PPP1R1B: variants seen among roughly 807,000 people sequenced by gnomAD.
PPP1R1B encodes the protein protein phosphatase 1 regulatory subunit 1B.
In PPP1R1B, 13 loss-of-function variants were observed where a neutral mutation model predicts 28.2. The ratio of observed to expected loss-of-function variants is 0.46; its 90% CI spans 0.30 to 0.73. PPP1R1B has a LOEUF of 0.73. Among genes scored for constraint, PPP1R1B ranks in the 30% least tolerant of loss-of-function variants. The pLI, the probability that PPP1R1B is intolerant of heterozygous loss-of-function variation, is 0.07. For missense variants in PPP1R1B, 236 were observed against 256.7 expected (o/e 0.92, Z 0.55); for synonymous variants, 102 against 97.5 (o/e 1.05, Z -0.27).
At chr17:39,629,666 A>G in intron 3 of PPP1R1B, 104 bp downstream of exon 3, 1 of 1,185,116 alleles carries the variant, frequency 8.4e-7, no homozygotes, top group South Asian at 1.4e-5. Context: ...GCCACCCAAG[A>G]GGACACATTA....
chr17:39,628,211 C>G (rs1495099), intron 1 of PPP1R1B, among the ~76,000 whole-genome samples: 82,931 of 151,104 alleles, frequency 0.55, 26,097 homozygotes, highest in South Asian at 0.71. Context: ...TGAGATGCAG[C>G]TGGCTCCCCA....
chr17:39,631,853 T>C (rs1235443161), intron 4 of PPP1R1B, among the ~76,000 whole-genome samples: 1 of 152,102 alleles, frequency 6.6e-6, no homozygotes, highest in African/African-American at 2.4e-5. Context: ...AAAGCAGGCA[T>C]GAGGGACAGA....
At position 39,627,032 on chromosome 17, in the gene PPP1R1B, A is replaced by G. The variant is rs964210311; in HGVS notation, c.-361A>G. 1 of 250,284 alleles carries G rather than the reference A, an allele frequency of 4.0e-6. No individual in the cohort carries two copies. Among genetic ancestry groups the G allele is most frequent in the African/African-American group, 2.3e-5 (1 of 44,060 alleles). 15.5% of individuals were successfully genotyped at this position (250,284 alleles called of 1,614,324 possible). On this transcript the variant is annotated 5_prime_UTR_variant, in exon 1 of 7. Transcript: ENST00000254079. ...GACGGGAGAGGCAGAGAGAGGAGACACGCAGAGACACTCAGGAGGGGAGAG... is the reference window on the plus strand; with the variant it reads ...GACGGGAGAGGCAGAGAGAGGAGACGCGCAGAGACACTCAGGAGGGGAGAG...
intron 4 of PPP1R1B, chr17:39,630,472 TCTC>T (rs1453354871): frequency 1.0e-5 from 2 of 191,444 alleles, no homozygotes; most frequent in Non-Finnish European, 2.2e-5. Flanking sequence ...TGCACACTGG[TCTC>T]CTCTTTCCTG....
intron 4 of PPP1R1B, among the ~76,000 whole-genome samples, chr17:39,630,802 A>G (rs542178170): frequency 4.6e-5 from 7 of 151,838 alleles, no homozygotes; most frequent in African/African-American, 1.2e-4. Context: ...GGGCGCAGTG[A>G]CTCACGCCTG....
rs1032368917 is a variant in PPP1R1B at position 39,630,021 on chromosome 17, G to A, written c.215G>A (p.Cys72Tyr). Reference sequence around the variant, plus strand: ...CTCAAGTCGAAGAGACCCAACCCCTGTGCCTACACACCACCTTCGCTGAAA... The same window carrying A: ...CTCAAGTCGAAGAGACCCAACCCCTATGCCTACACACCACCTTCGCTGAAA... ...HHLKSKRPNP[C>Y]AYTPPSLKAV... The change falls in exon 4 of 7, where the codon TGT (cysteine) becomes TAT (tyrosine). Residue 72 changes from cysteine (C) to tyrosine (Y), a missense_variant. Coordinates refer to ENST00000254079, the MANE Select transcript of PPP1R1B (RefSeq NM_032192.4). 8.1e-6 allele frequency: 13 copies of A among 1,614,026 alleles called. No homozygotes were observed. Among genetic ancestry groups the A allele is most frequent in the Non-Finnish European group, 1.1e-5 (13 of 1,180,022 alleles).
At position 39,635,961 on chromosome 17, in the gene PPP1R1B, G is replaced by A. The variant is rs1384604989; in HGVS notation, c.*96G>A. 7 of 1,352,022 alleles carry A rather than the reference G, an allele frequency of 5.2e-6. No homozygotes were observed. The highest frequency in any genetic ancestry group is 7.2e-6 in the Non-Finnish European group (7 of 974,082). The allele number at this position is 1,352,022 out of a possible 1,614,324, so 83.8% of individuals were successfully genotyped here. A position where few individuals can be genotyped will look rare whatever the true frequency, so the allele number is the denominator to read the frequency against. On this transcript the variant is annotated 3_prime_UTR_variant, in exon 7 of 7. Coordinates refer to ENST00000254079, the MANE Select transcript of PPP1R1B (RefSeq NM_032192.4). ...CACCCTGTTTTGTGCTCTTCCCCTC[G>A]CCTGCTAGGGCTGCGGCTTCTGACT...
At position 39,629,965 on chromosome 17, in the gene PPP1R1B, C is replaced by G. The variant is rs2056864533; in HGVS notation, c.166-7C>G. On this transcript the variant is annotated splice_region_variant and splice_polypyrimidine_tract_variant and intron_variant, in intron 3 of 6. Transcript: ENST00000254079. ...GAGCCCCTTTAACCTGGCACTTCCC[C>G]TGGCAGAGAGCCTCAGGAGAGGGGC... 1.2e-6 allele frequency: 2 copies of G among 1,613,984 alleles called. No individual in the cohort carries two copies. The highest frequency in any genetic ancestry group is 3.3e-5 in the Admixed American group (2 of 60,014).
chr17:39,627,545 G>A (rs377677978), intron 1 of PPP1R1B, 72 bp downstream of exon 1: 1 of 1,001,620 alleles, frequency 1.0e-6, no homozygotes, highest in Non-Finnish European at 1.4e-6. Flanking sequence ...CTCCCAAGGC[G>A]CTGCCCCGGC....
At chr17:39,633,771 T>C (rs570164546) in intron 4 of PPP1R1B, 112 bp from the exon 5 acceptor site, 5 of 1,549,662 alleles carry the variant, frequency 3.2e-6, no homozygotes, top group East Asian at 2.3e-5. Flanking sequence ...TGAGGGGGTA[T>C]TCTCTGCCCC....
In PPP1R1B at chr17:39,635,670, A is replaced by T; in HGVS notation, c.509A>T (p.Asp170Val). The T allele has an allele frequency of 6.2e-7, 1 of 1,613,988 alleles. No individual in the cohort carries two copies. The highest frequency in any genetic ancestry group is 8.5e-7 in the Non-Finnish European group (1 of 1,179,990). Reference sequence around the variant, plus strand: ...CCCTGGGAGCGCCCACCCCCTCTGGATGAGTCCGAGAGAGATGGAGGCTCT... The same window carrying T: ...CCCTGGGAGCGCCCACCCCCTCTGGTTGAGTCCGAGAGAGATGGAGGCTCT... ...EGPWERPPPL[D>V]ESERDGGSED... The change falls in exon 6 of 7, where the codon GAT becomes GTT. Residue 170 changes from aspartate (D) to valine (V), a missense_variant. Transcript: ENST00000254079.
chr17:39,635,022 C>A (rs1252699241), intron 5 of PPP1R1B, among the ~76,000 whole-genome samples: 2 of 152,154 alleles, frequency 1.3e-5, no homozygotes, highest in Non-Finnish European at 2.9e-5. Flanking sequence ...ATGGTGAAAC[C>A]CCATCTGTAA....
intron 1 of PPP1R1B, among the ~76,000 whole-genome samples, chr17:39,628,002 C>T (rs2144833523): frequency 1.3e-5 from 2 of 152,284 alleles, no homozygotes; most frequent in South Asian, 4.1e-4. Context: ...GCTCTGGCCT[C>T]CTGCTGTCAG....
intron 5 of PPP1R1B, among the ~76,000 whole-genome samples, chr17:39,634,875 G>A (rs1187502118): frequency 6.6e-6 from 1 of 152,242 alleles, no homozygotes; most frequent in African/African-American, 2.4e-5. Flanking sequence ...AGTGGAAGAG[G>A]GGTGAGAGGA....
chr17:39,631,707 A>C (rs2056879362), intron 4 of PPP1R1B, among the ~76,000 whole-genome samples: 1 of 152,156 alleles, frequency 6.6e-6, no homozygotes, highest in African/African-American at 2.4e-5. Flanking sequence ...GAGGCTGGGA[A>C]GGGAGGAGAG....
At chr17:39,635,574 C>A (rs915439408) in intron 5 of PPP1R1B, 33 bp from the exon 6 acceptor site, 7 of 1,604,480 alleles carry the variant, frequency 4.4e-6, no homozygotes, top group East Asian at 4.5e-5. Flanking sequence ...ATACGCAGAG[C>A]CTGTGTTCTT....
rs376481192 is a variant in PPP1R1B at position 39,629,596 on chromosome 17, C to T, written c.165+34C>T. On this transcript the variant is annotated intron_variant, in intron 3 of 6. Transcript: ENST00000254079. ...CCTGGGGCAGCTGGAAGGAGGGATG[C>T]CTGGGCCCCTTGGGGTGGGGTGGAC... 32 of 1,612,090 alleles carry T rather than the reference C, an allele frequency of 2.0e-5. No individual in the cohort carries two copies. The African/African-American group carries it at 3.5e-4, about 17-fold the overall frequency.
At position 39,630,063 on chromosome 17, in the gene PPP1R1B, C is replaced by T. The variant is rs780675964; in HGVS notation, c.241+16C>T. On this transcript the variant is annotated intron_variant, in intron 4 of 6. Coordinates refer to ENST00000254079, the MANE Select transcript of PPP1R1B (RefSeq NM_032192.4). ...TCGCTGAAAGGTACTATACCCCCAC[C>T]GACCTTCCTGGCTGTCCGCCTGATC... is the stretch of plus-strand genomic sequence containing the variant. 14 of 1,612,740 alleles carry T rather than the reference C, an allele frequency of 8.7e-6. No individual in the cohort carries two copies. The highest frequency in any genetic ancestry group is 2.7e-5 in the African/African-American group (2 of 74,926).
chr17:39,627,360 C>T lies in PPP1R1B; in HGVS notation c.-33C>T. 2.0e-6 allele frequency: 3 copies of T among 1,512,216 alleles called. No individual in the cohort carries two copies. The highest frequency in any genetic ancestry group is 2.7e-6 in the Non-Finnish European group (3 of 1,104,524). 93.7% of individuals were successfully genotyped at this position (1,512,216 alleles called of 1,614,324 possible). ...AGACCGCCGCCGGGACCCCGAGTCG[C>T]GCACCCCAGCCCCACCGCCCACCCC... On this transcript the variant is annotated 5_prime_UTR_variant, in exon 1 of 7. Coordinates refer to ENST00000254079, the MANE Select transcript of PPP1R1B (RefSeq NM_032192.4).
Sources: gnomAD v4.1 joint callset for allele counts (sites outside exome capture counted in the v4.1 genomes callset) on GRCh38, gnomAD v4.1.1 for gene constraint, MANE v1.5 for transcripts, NCBI Gene and HGNC (gene_info 2026-07-23, HGNC 2026-07-21) for gene names.